Variants in DAZAP1 observed in about 807,000 individuals in gnomAD.
DAZAP1 encodes the protein DAZ-associated protein 1.
Under a neutral mutation model 60.1 loss-of-function variants are expected in DAZAP1, and 6 were observed. The observed-to-expected ratio is 0.10, with a 90% CI of 0.05 to 0.20. The LOEUF (loss-of-function observed/expected upper bound fraction) is 0.20, where lower values mean the gene tolerates loss of function less well. Ranked by LOEUF, DAZAP1 falls within the 10% of genes least tolerant of loss-of-function variation. The pLI is 1.00. For missense variants in DAZAP1, 366 were observed against 560.4 expected (o/e 0.65, Z 3.50); for synonymous variants, 235 against 215.9 (o/e 1.09, Z -0.78).
chr19:1,427,261 C>T (rs3786983), intron 7 of DAZAP1: 15,698 of 152,350 alleles, frequency 0.1, 1,173 homozygotes, highest in East Asian at 0.35. Flanking sequence ...TCTTGATATA[C>T]GGGGCAGAAA....
At chr19:1,424,555 A>G (rs1417458692) in intron 6 of DAZAP1, among the ~76,000 whole-genome samples, 1 of 151,002 alleles carries the variant, frequency 6.6e-6, no homozygotes, top group African/African-American at 2.4e-5. Flanking sequence ...GGTCCCAGCT[A>G]CAGCAGCCCT....
chr19:1,410,336 G>A (rs1036339582), intron 1 of DAZAP1, among the ~76,000 whole-genome samples: 80 of 152,270 alleles, frequency 5.3e-4, no homozygotes, highest in African/African-American at 1.9e-3. Flanking sequence ...GGTGGGTTTG[G>A]CACGCGGACC....
chr19:1,415,668 C>G (rs1600196967), intron 1 of DAZAP1: 1 of 152,136 alleles, frequency 6.6e-6, no homozygotes, highest in East Asian at 1.9e-4. Flanking sequence ...CTAGGCCTGA[C>G]CTCAACGCTC....
chr19:1,417,629 T>G, intron 2 of DAZAP1, 89 bp downstream of exon 2: 1 of 1,238,352 alleles, frequency 8.1e-7, no homozygotes, highest in South Asian at 1.4e-5. Flanking sequence ...CTTGCTACTG[T>G]CTTGGATATT....
chr19:1,420,573 C>A (rs1408882953), intron 4 of DAZAP1, among the ~76,000 whole-genome samples: 1 of 152,024 alleles, frequency 6.6e-6, no homozygotes, highest in Non-Finnish European at 1.5e-5. Context: ...ACCAGAGACT[C>A]CTGGCTCTGG....
In DAZAP1 at chr19:1,430,254, G is replaced by GGCCCCCCCCCCCCCCCCC; in HGVS notation, c.763_764insGCCCCCCCCCCCCCCCCC (p.Ala255delinsGlyProProProProProPro). The GGCCCCCCCCCCCCCCCCC allele has an allele frequency of 5.4e-6, 7 of 1,295,240 alleles. No individual in the cohort carries two copies. Among genetic ancestry groups the GGCCCCCCCCCCCCCCCCC allele is most frequent in the Non-Finnish European group, 7.6e-6 (7 of 924,052 alleles). 80.2% of individuals were successfully genotyped at this position (1,295,240 alleles called of 1,614,324 possible). On this transcript the variant is annotated protein_altering_variant, in exon 10 of 12. Transcript: ENST00000233078. ...TGGACCGCCCCCTGCAGGAAGAGGA[G>GGCCCCCCCCCCCCCCCCC]CCCCCCCGCCACCCCCACCGTTCAC...
intron 1 of DAZAP1, among the ~76,000 whole-genome samples, chr19:1,411,971 T>C (rs1255967315): frequency 6.6e-6 from 1 of 152,254 alleles, no homozygotes. Flanking sequence ...ACAGGGCTTT[T>C]GGCAGAGGCC....
intron 1 of DAZAP1, among the ~76,000 whole-genome samples, chr19:1,413,839 T>C (rs928269075): frequency 5.9e-5 from 9 of 152,226 alleles, no homozygotes; most frequent in African/African-American, 2.2e-4. Flanking sequence ...TTCTCAGTAA[T>C]GAAAGTCTTT....
At chr19:1,431,879 A>G (rs539619997) in intron 10 of DAZAP1, among the ~76,000 whole-genome samples, 3 of 151,904 alleles carry the variant, frequency 2.0e-5, no homozygotes, top group East Asian at 3.9e-4. Context: ...GTGTTTGACA[A>G]TTGGGGCATA....
chr19:1,430,722 G>GT (rs1171958291), intron 10 of DAZAP1, among the ~76,000 whole-genome samples: 3,719 of 137,776 alleles, frequency 0.027, 133 homozygotes, highest in African/African-American at 0.081. Context: ...AGCTCTAATT[G>GT]TTTTTTTTTT....
chr19:1,409,977 TGGGTGCG>T (rs1175054199), intron 1 of DAZAP1: 1 of 152,298 alleles, frequency 6.6e-6, no homozygotes, highest in Non-Finnish European at 1.5e-5. Context: ...GGAGCATGCA[TGGGTGCG>T]GGGTCAACGC....
At position 1,432,504 on chromosome 19, in the gene DAZAP1, A is replaced by C; in HGVS notation, c.872-10A>C. 6.2e-7 allele frequency: 1 copy of C among 1,613,008 alleles called. No homozygotes were observed. The highest frequency in any genetic ancestry group is 8.5e-7 in the Non-Finnish European group (1 of 1,179,818). The stretch of plus-strand genomic sequence containing the variant: ...CGTGTCTTGTGCCTTGCCCTCTTGT[A>C]CCTCTGCAGGTTTTGGCTACGGGCC... On this transcript the variant is annotated splice_polypyrimidine_tract_variant and intron_variant, in intron 10 of 11. Coordinates refer to ENST00000233078, the MANE Select transcript of DAZAP1 (RefSeq NM_018959.4). This position sits in a 1 kb window ranked among gnomAD's most constrained non-coding sequence, Gnocchi z 4.9.
Position 1,434,114 on chromosome 19 carries a change from C to T in DAZAP1, c.1049-623C>T, listed in dbSNP as rs537684998. On this transcript the variant is annotated intron_variant, in intron 11 of 11. Transcript: ENST00000233078. The surrounding 1 kb of genome is among the most constrained non-coding windows in gnomAD (Gnocchi z 8.0). ...GGGGAGCGGCGTGAGCAGCTCTGTC[C>T]TTGTAAAGACACCGCTGTCCATGCT... 30 of 447,000 alleles carry T rather than the reference C, an allele frequency of 6.7e-5. No homozygotes were observed. The highest frequency in any genetic ancestry group is 9.8e-5 in the Non-Finnish European group (24 of 245,306). The allele number at this position is 447,000 out of a possible 1,614,324, so 27.7% of individuals were successfully genotyped here.
At position 1,432,657 on chromosome 19, in the gene DAZAP1, A is replaced by G; in HGVS notation, c.1015A>G (p.Thr339Ala). The change falls in exon 11 of 12, where the codon ACA becomes GCA. Residue 339 changes from threonine to alanine, a missense_variant. Thr to Ala is a moderately conservative substitution (Grantham distance 58). Around this residue, in one of 3 missense-constraint regions of DAZAP1, gnomAD observed 240 missense variants for 308.8 expected, o/e 0.78. Transcript: ENST00000233078. This position sits in a 1 kb window ranked among gnomAD's most constrained non-coding sequence, Gnocchi z 4.9. ...QAAPDMSKPP[T>A]AQPDFPYGQY... is the part of the protein sequence containing the mutation. ...TGCCCCGGACATGAGCAAGCCCCCGACAGCTCAGCCAGACTTCCCCTATGG... is the reference window on the plus strand; with the variant it reads ...TGCCCCGGACATGAGCAAGCCCCCGGCAGCTCAGCCAGACTTCCCCTATGG... The G allele has an allele frequency of 6.2e-7, 1 of 1,611,814 alleles. No homozygotes were observed. The highest frequency in any genetic ancestry group is 8.5e-7 in the Non-Finnish European group (1 of 1,179,088).
Position 1,423,083 on chromosome 19 carries a change from C to T in DAZAP1, c.463+687C>T, listed in dbSNP as rs959841709. ...TTTTGGTTCATCAGCTGCTTTTGGC[C>T]GGCCACGTGAGCAGACCTGCAGCCT... On this transcript the variant is annotated intron_variant, in intron 6 of 11. Transcript: ENST00000233078. This position sits in a 1 kb window ranked among gnomAD's most constrained non-coding sequence, Gnocchi z 6.8. Among the ~76,000 whole-genome samples, 5 of 148,814 alleles carry T rather than the reference C, an allele frequency of 3.4e-5. No individual in the cohort carries two copies. Among genetic ancestry groups the T allele is most frequent in the East Asian group, 2.1e-4 (1 of 4,672 alleles).
Position 1,435,432 on chromosome 19 carries a change from C to G in DAZAP1, c.*520C>G, listed in dbSNP as rs899481802. The G allele has an allele frequency of 2.6e-5, 4 of 152,178 alleles. No individual in the cohort carries two copies. Among genetic ancestry groups the G allele is most frequent in the East Asian group, 3.8e-4 (2 of 5,198 alleles). The allele number at this position is 152,178 out of a possible 1,614,324, so 9.4% of individuals were successfully genotyped here. A position where few individuals can be genotyped will look rare whatever the true frequency, so the allele number is the denominator to read the frequency against. ...GTTGGGACTTGGTGGTCCAGAAACT[C>G]TGGGAGCTTCTAGAAGAAATCTACT... On this transcript the variant is annotated 3_prime_UTR_variant, in exon 12 of 12. Transcript: ENST00000233078.
At position 1,428,471 on chromosome 19, in the gene DAZAP1, G is replaced by T. The variant is rs939621004; in HGVS notation, c.547-371G>T. 1 of 195,764 alleles carries T rather than the reference G, an allele frequency of 5.1e-6. No individual in the cohort carries two copies. The highest frequency in any genetic ancestry group is 1.1e-5 in the Non-Finnish European group (1 of 95,012). The allele number at this position is 195,764 out of a possible 1,614,324, so 12.1% of individuals were successfully genotyped here. A position where few individuals can be genotyped will look rare whatever the true frequency, so the allele number is the denominator to read the frequency against. On this transcript the variant is annotated intron_variant, in intron 7 of 11. Transcript: ENST00000233078. The surrounding 1 kb of genome is among the most constrained non-coding windows in gnomAD (Gnocchi z 4.0). ...GGATGCCGATTGCTGGGAAGATCCTGGTCCCTTTTTGTCCCCATGTTTTCA... is the reference window on the plus strand; with the variant it reads ...GGATGCCGATTGCTGGGAAGATCCTTGTCCCTTTTTGTCCCCATGTTTTCA...
At position 1,430,273 on chromosome 19, in the gene DAZAP1, C is replaced by CCT; in HGVS notation, c.782_783insCT (p.Phe262CysfsTer74). ...AGAGGAGCCCCCCCGCCACCCCCACCGTTCACCTCCTACATCGTGTCCACC... is the reference window on the plus strand; with the variant it reads ...AGAGGAGCCCCCCCGCCACCCCCACCCTGTTCACCTCCTACATCGTGTCCACC... On this transcript the variant is annotated frameshift_variant, in exon 10 of 12. Transcript: ENST00000233078. LOFTEE classifies it high-confidence loss of function. 7.0e-7 allele frequency: 1 copy of CCT among 1,429,590 alleles called. No homozygotes were observed. The highest frequency in any genetic ancestry group is 9.6e-7 in the Non-Finnish European group (1 of 1,036,390). The allele number at this position is 1,429,590 out of a possible 1,614,324, so 88.6% of individuals were successfully genotyped here.
At chr19:1,415,620 G>C (rs2082960333) in intron 1 of DAZAP1, 1 of 151,906 alleles carries the variant, frequency 6.6e-6, no homozygotes, top group Non-Finnish European at 1.5e-5. Flanking sequence ...AGCCTATGGA[G>C]AGTGAGGCAC....
Sources: gnomAD v4.1 joint callset for allele counts (sites outside exome capture counted in the v4.1 genomes callset) on GRCh38, gnomAD v4.1.1 for gene constraint, gnomAD v4.1.1 regional missense constraint, Gnocchi (gnomAD v3.1) non-coding constraint, MANE v1.5 for transcripts, NCBI Gene and HGNC (gene_info 2026-07-23, HGNC 2026-07-21) for gene names.